Variants in EGFLAM observed in about 807,000 individuals in gnomAD.
EGFLAM encodes the protein pikachurin.
In EGFLAM, 79 loss-of-function variants were observed where a neutral mutation model predicts 113.1. The observed-to-expected ratio is 0.70, with a 90% confidence interval of 0.58 to 0.84. The LOEUF (loss-of-function observed/expected upper bound fraction) is 0.84. EGFLAM is among the 40% of genes least tolerant of loss of function. The pLI, the probability that EGFLAM is intolerant of heterozygous loss-of-function variation, is 0.00. For missense variants in EGFLAM, 1,265 were observed against 1,291.6 expected (o/e 0.98, Z 0.32); for synonymous variants, 504 against 487.6 (o/e 1.03, Z -0.44).
At chr5:38,403,902 G>A (rs753466856) in intron 6 of EGFLAM, 2 of 1,613,742 alleles carry the variant, frequency 1.2e-6, no homozygotes, top group South Asian at 1.1e-5. Context: ...GTATAAATCT[G>A]GCATCGACAG....
At chr5:38,352,628 C>T (rs1259508890) in intron 5 of EGFLAM, among the ~76,000 whole-genome samples, 2 of 144,696 alleles carry the variant, frequency 1.4e-5, no homozygotes, top group African/African-American at 5.2e-5. Flanking sequence ...GCCTGGGTGA[C>T]AGAGCAAGAC....
At chr5:38,435,101 A>C in intron 15 of EGFLAM, 36 bp from the exon 16 acceptor site, 1 of 1,570,654 alleles carries the variant, frequency 6.4e-7, no homozygotes, top group Non-Finnish European at 8.8e-7. Context: ...ATCTGTTTTA[A>C]AGTCATACAA....
intron 6 of EGFLAM, among the ~76,000 whole-genome samples, chr5:38,388,926 A>C (rs1043883061): frequency 8.7e-5 from 12 of 137,208 alleles, no homozygotes; most frequent in Admixed American, 1.4e-4. Context: ...AGAAAAAAAA[A>C]AAAAAACAAA....
chr5:38,421,954 C>G (rs1363612882), intron 12 of EGFLAM, among the ~76,000 whole-genome samples: 1 of 151,974 alleles, frequency 6.6e-6, no homozygotes, highest in Non-Finnish European at 1.5e-5. Context: ...ACATGTAGAC[C>G]AGCTGAGGTC....
intron 1 of EGFLAM, among the ~76,000 whole-genome samples, chr5:38,269,275 TC>T (rs1173440431): frequency 6.6e-6 from 1 of 152,058 alleles, no homozygotes; most frequent in African/African-American, 2.4e-5. Flanking sequence ...AGAACTCTAG[TC>T]CCTCCCACCC....
rs566954685 is a variant in EGFLAM, at chr5:38,433,622, A to T, written c.2167-1515A>T. Among the ~76,000 whole-genome samples, 11 of 152,330 alleles carry T rather than the reference A, an allele frequency of 7.2e-5. 1 individual carries two copies. Among genetic ancestry groups the T allele is most frequent in the African/African-American group, 2.6e-4 (11 of 41,578 alleles). ...TCCACGAGGCCCCGCTGCTGGACACAGCCATAATGCAATTTTTTTTCCTAG... is the reference window on the plus strand; with the variant it reads ...TCCACGAGGCCCCGCTGCTGGACACTGCCATAATGCAATTTTTTTTCCTAG... On this transcript the variant is annotated intron_variant, in intron 15 of 21. Coordinates refer to ENST00000322350, the MANE Select transcript of EGFLAM (RefSeq NM_152403.4).
chr5:38,350,450 C>T, intron 3 of EGFLAM, 51 bp from the exon 4 acceptor site: 2 of 1,548,684 alleles, frequency 1.3e-6, no homozygotes, highest in South Asian at 1.2e-5. Flanking sequence ...GTACAATTTG[C>T]CCAAACAGAT....
At chr5:38,458,179 C>A (rs1743150693) in intron 19 of EGFLAM, 132 bp from the exon 20 acceptor site, 1 of 716,270 alleles carries the variant, frequency 1.4e-6, no homozygotes, top group African/African-American at 1.8e-5. Context: ...TTATAACACT[C>A]TTGTTTTTTG....
chr5:38,365,452 T>G (rs753836043), intron 5 of EGFLAM, among the ~76,000 whole-genome samples: 2 of 152,196 alleles, frequency 1.3e-5, no homozygotes, highest in Non-Finnish European at 2.9e-5. Flanking sequence ...TGGTGTTGAA[T>G]TCAAGTTCAA....
intron 6 of EGFLAM, chr5:38,399,768 T>A (rs1267510351): frequency 6.6e-6 from 1 of 152,188 alleles, no homozygotes; most frequent in Non-Finnish European, 1.5e-5. Context: ...TCCTCCCTTG[T>A]TGTTGCTAAA....
At position 38,352,330 on chromosome 5, in the gene EGFLAM, A is replaced by G. The variant is rs772799867; in HGVS notation, c.544A>G (p.Arg182Gly). 4 of 1,613,928 alleles carry G rather than the reference A, an allele frequency of 2.5e-6. No individual in the cohort carries two copies. Among genetic ancestry groups the G allele is most frequent in the Non-Finnish European group, 3.4e-6 (4 of 1,179,886 alleles). Residue 182 changes from arginine to glycine, a missense_variant and splice_region_variant, in exon 5 of 22, where the codon AGG becomes GGG. Coordinates refer to ENST00000322350, the MANE Select transcript of EGFLAM (RefSeq NM_152403.4). ...TCAGTACTATTCTGTGGAATTCATCAGGTAAGTCTGTATGTCACATTCAAA... is the reference window on the plus strand; with the variant it reads ...TCAGTACTATTCTGTGGAATTCATCGGGTAAGTCTGTATGTCACATTCAAA... ...PIQYYSVEFI[R>G]PDFDKKWTSI...
At chr5:38,349,785 A>G (rs1739568166) in intron 3 of EGFLAM, among the ~76,000 whole-genome samples, 2 of 151,270 alleles carry the variant, frequency 1.3e-5, no homozygotes, top group African/African-American at 4.9e-5. Flanking sequence ...ACACACACAC[A>G]CACACACACA....
At chr5:38,459,021 C>A (rs914540646) in intron 20 of EGFLAM, among the ~76,000 whole-genome samples, 3 of 151,972 alleles carry the variant, frequency 2.0e-5, no homozygotes, top group Admixed American at 6.6e-5. Flanking sequence ...AATCCTCCCC[C>A]CTCCCTCTGG....
chr5:38,323,438 G>A (rs1416502251), intron 1 of EGFLAM, among the ~76,000 whole-genome samples: 1 of 152,138 alleles, frequency 6.6e-6, no homozygotes, highest in East Asian at 1.9e-4. Flanking sequence ...TATCTCTTAA[G>A]CAGTATAGCT....
chr5:38,290,390 A>G (rs576788414), intron 1 of EGFLAM, among the ~76,000 whole-genome samples: 44 of 152,344 alleles, frequency 2.9e-4, no homozygotes, highest in African/African-American at 1.0e-3. Flanking sequence ...ACCCATAAGC[A>G]GAGGCGAGGA....
chr5:38,313,184 AT>A (rs1187320829), intron 1 of EGFLAM, among the ~76,000 whole-genome samples: 2 of 152,158 alleles, frequency 1.3e-5, no homozygotes, highest in African/African-American at 4.8e-5. Context: ...ATCTTTTCTG[AT>A]TTTTTTATCT....
chr5:38,415,887 TA>T (rs1741625582), intron 11 of EGFLAM, among the ~76,000 whole-genome samples: 1 of 151,922 alleles, frequency 6.6e-6, no homozygotes, highest in South Asian at 2.1e-4. Flanking sequence ...AAGCCCTTTA[TA>T]AAACTATCAG....
At chr5:38,421,169 C>A (rs1346863751) in intron 12 of EGFLAM, among the ~76,000 whole-genome samples, 2 of 152,158 alleles carry the variant, frequency 1.3e-5, no homozygotes, top group Non-Finnish European at 2.9e-5. Flanking sequence ...TCCCACTAAA[C>A]CCGTTTTTAT....
chr5:38,440,085 A>G (rs1742484982), intron 17 of EGFLAM, among the ~76,000 whole-genome samples: 1 of 152,174 alleles, frequency 6.6e-6, no homozygotes, highest in African/African-American at 2.4e-5. Context: ...TGAGAAGCAA[A>G]TCTTACCAGA....
Sources: gnomAD v4.1 joint callset for allele counts (sites outside exome capture counted in the v4.1 genomes callset) on GRCh38, gnomAD v4.1.1 for gene constraint, MANE v1.5 for transcripts, NCBI Gene and HGNC (gene_info 2026-07-23, HGNC 2026-07-21) for gene names.